Variants in SPATA16 observed in about 807,000 individuals in gnomAD.
The protein encoded by SPATA16 is spermatogenesis-associated protein 16.
A neutral mutation model predicts 63.3 loss-of-function variants in SPATA16; 36 were observed. That is an observed-to-expected ratio of 0.57 (90% confidence interval 0.44 to 0.75). SPATA16 has a LOEUF of 0.75. Among genes scored for constraint, SPATA16 ranks in the 30% least tolerant of loss-of-function variants. The probability of loss-of-function intolerance (pLI) is 0.00; values close to 1 mark genes in which losing one functional copy is unlikely to be tolerated. For synonymous variants in SPATA16, 203 were observed against 216.7 expected (o/e 0.94, Z 0.56); for missense variants, 646 against 679.3 (o/e 0.95, Z 0.54).
At chr3:172,966,880 A>C (rs1420473375) in intron 5 of SPATA16, among the ~76,000 whole-genome samples, 1 of 152,342 alleles carries the variant, frequency 6.6e-6, no homozygotes, top group East Asian at 1.9e-4. Flanking sequence ...TGCTAAAAAA[A>C]GTGACCTCAA....
chr3:172,912,373 A>G (rs999739483), intron 10 of SPATA16, among the ~76,000 whole-genome samples: 1 of 152,206 alleles, frequency 6.6e-6, no homozygotes, highest in Admixed American at 6.5e-5. Context: ...TGCTGAGCAC[A>G]ATATTTCCAA....
intron 2 of SPATA16, among the ~76,000 whole-genome samples, chr3:173,107,582 A>G (rs868751429): frequency 3.9e-5 from 6 of 152,156 alleles, no homozygotes; most frequent in South Asian, 2.1e-4. Context: ...GAAGAGTTAC[A>G]TAATTTAGTA....
chr3:172,951,548 A>G (rs1312603051), intron 6 of SPATA16, among the ~76,000 whole-genome samples: 8 of 152,192 alleles, frequency 5.3e-5, no homozygotes, highest in African/African-American at 1.9e-4. Context: ...TTAATTTTAT[A>G]CTTTTCCCCC....
intron 3 of SPATA16, among the ~76,000 whole-genome samples, chr3:173,035,672 A>G (rs1379565352): frequency 2.6e-5 from 4 of 152,062 alleles, no homozygotes. Flanking sequence ...GAAAAATCCA[A>G]ATGCTGGGAG....
At chr3:172,947,197 C>A (rs1733311399) in intron 6 of SPATA16, among the ~76,000 whole-genome samples, 1 of 152,198 alleles carries the variant, frequency 6.6e-6, no homozygotes, top group Non-Finnish European at 1.5e-5. Flanking sequence ...GATCACAACA[C>A]TCAATTCTCT....
At chr3:172,939,954 A>T (rs1733107427) in intron 6 of SPATA16, among the ~76,000 whole-genome samples, 1 of 152,210 alleles carries the variant, frequency 6.6e-6, no homozygotes, top group South Asian at 2.1e-4. Context: ...CCAATGACCA[A>T]TAATTTAAAC....
intron 2 of SPATA16, among the ~76,000 whole-genome samples, chr3:173,090,935 T>C (rs1737206039): frequency 6.6e-6 from 1 of 152,138 alleles, no homozygotes; most frequent in Admixed American, 6.5e-5. Flanking sequence ...GGCACCTCTC[T>C]TTTTTGAATA....
chr3:172,985,833 G>A (rs1734442072), intron 4 of SPATA16, among the ~76,000 whole-genome samples: 1 of 152,124 alleles, frequency 6.6e-6, no homozygotes, highest in Non-Finnish European at 1.5e-5. Context: ...GGAAACGCTA[G>A]AAAATTATGT....
In SPATA16 at chr3:173,049,011, T is replaced by G. The variant is rs1231029925; in HGVS notation, c.696A>C (p.Thr232=). 3 of 1,613,714 alleles carry G rather than the reference T, an allele frequency of 1.9e-6. No homozygotes were observed. The highest frequency in any genetic ancestry group is 2.5e-6 in the Non-Finnish European group (3 of 1,179,794). The change falls in exon 3 of 11, where the codon ACA becomes ACC. Residue 232 remains threonine (T), a synonymous_variant. Transcript: ENST00000351008. ...DIASVASFIE[T]KLVTCYLRMR... Reference sequence around the variant, plus strand: ...TCCGTAGATAACAGGTAACAAGCTTTGTCTCAATGAAACTTGCCACGCTTG... The same window carrying G: ...TCCGTAGATAACAGGTAACAAGCTTGGTCTCAATGAAACTTGCCACGCTTG...
At chr3:173,068,006 A>C (rs1003971150) in intron 2 of SPATA16, among the ~76,000 whole-genome samples, 2 of 152,252 alleles carry the variant, frequency 1.3e-5, no homozygotes, top group Admixed American at 6.5e-5. Flanking sequence ...TATTACATCC[A>C]GCAAAATTAT....
At chr3:173,031,726 T>C (rs1735612555) in intron 3 of SPATA16, among the ~76,000 whole-genome samples, 1 of 152,078 alleles carries the variant, frequency 6.6e-6, no homozygotes, top group Admixed American at 6.6e-5. Flanking sequence ...TTTTGTCTTA[T>C]TTAGTCAATT....
intron 2 of SPATA16, among the ~76,000 whole-genome samples, chr3:173,070,611 A>G (rs912499004): frequency 2.5e-4 from 38 of 152,226 alleles, no homozygotes; most frequent in Non-Finnish European, 4.0e-4. Flanking sequence ...AAGCAAATTC[A>G]GCAAAATTGC....
At chr3:173,019,037 A>G (rs1735258276) in intron 4 of SPATA16, among the ~76,000 whole-genome samples, 1 of 152,212 alleles carries the variant, frequency 6.6e-6, no homozygotes, top group Admixed American at 6.5e-5. Flanking sequence ...CAAGAAAAAA[A>G]TACTCTGGGA....
rs142706238 is a variant in SPATA16, at chr3:173,025,723, G to A, written c.759-6148C>T. 7.3e-4 allele frequency among the ~76,000 whole-genome samples: 111 copies of A among 151,938 alleles called. No individual in the cohort carries two copies. In the East Asian group the frequency reaches 0.019, roughly 26 times the overall value. ...GAATAATATAGTATATACCCTATGC[G>A]TACGGCTTCTTTCACTTAGAATAAT... On this transcript the variant is annotated intron_variant, in intron 3 of 10. Coordinates refer to ENST00000351008, the MANE Select transcript of SPATA16 (RefSeq NM_031955.6).
At chr3:172,922,784 A>G (rs945795906) in intron 8 of SPATA16, among the ~76,000 whole-genome samples, 3 of 152,100 alleles carry the variant, frequency 2.0e-5, no homozygotes, top group African/African-American at 7.2e-5. Context: ...TTAGCTAGGC[A>G]TGGTGGCACA....
intron 4 of SPATA16, among the ~76,000 whole-genome samples, chr3:172,990,333 G>A (rs934289147): frequency 5.9e-5 from 9 of 152,180 alleles, no homozygotes; most frequent in Non-Finnish European, 1.3e-4. Context: ...ATTTTGTTAA[G>A]TGAAGGGAGG....
At chr3:172,926,217 A>G (rs1732730370) in intron 6 of SPATA16, among the ~76,000 whole-genome samples, 2 of 152,234 alleles carry the variant, frequency 1.3e-5, no homozygotes, top group Admixed American at 6.5e-5. Flanking sequence ...TGAGAATTAA[A>G]ATATAAAGCT....
chr3:173,029,502 G>A (rs1042723003), intron 3 of SPATA16, among the ~76,000 whole-genome samples: 1 of 151,340 alleles, frequency 6.6e-6, no homozygotes, highest in Non-Finnish European at 1.5e-5. Flanking sequence ...GGAAGCTCAG[G>A]TGACACCTTC....
intron 6 of SPATA16, among the ~76,000 whole-genome samples, chr3:172,943,711 G>A (rs1733214476): frequency 6.6e-6 from 1 of 152,194 alleles, no homozygotes; most frequent in Admixed American, 6.5e-5. Context: ...TTGCACTCCA[G>A]CCTGGGTGAC....
Sources: allele counts gnomAD v4.1 joint callset (sites outside exome capture counted in the v4.1 genomes callset), GRCh38; gene constraint gnomAD v4.1.1; transcripts MANE v1.5; gene names NCBI Gene and HGNC (gene_info 2026-07-23, HGNC 2026-07-21).